The following CDK11B variants were observed in gnomAD, a reference collection of about 807,000 sequenced individuals.
The protein encoded by CDK11B is cyclin dependent kinase 11B, also known as cyclin-dependent kinase 11B.
In CDK11B, 37 loss-of-function variants were observed where a neutral mutation model predicts 84.0. That is an observed-to-expected ratio of 0.44 (90% CI 0.34 to 0.58). The LOEUF (loss-of-function observed/expected upper bound fraction) is 0.58, where lower values mean the gene tolerates loss of function less well. Ranked by LOEUF, CDK11B falls within the 20% of genes least tolerant of loss-of-function variation. The probability of loss-of-function intolerance (pLI) is 0.02; values close to 1 mark genes in which losing one functional copy is unlikely to be tolerated. For missense variants in CDK11B, 427 were observed against 834.0 expected (o/e 0.51, Z 6.01); for synonymous variants, 269 against 309.8 (o/e 0.87, Z 1.38).
intron 11 of CDK11B, among the ~76,000 whole-genome samples, chr1:1,639,345 AG>A (rs926397117): frequency 1.2e-4 from 18 of 151,674 alleles, no homozygotes; most frequent in African/African-American, 4.1e-4. Context: ...TGAGCCTGGG[AG>A]GGGGAGGCTC....
chr1:1,640,263 G>A lies in CDK11B; in HGVS notation c.1251+14C>T, dbSNP rs1640067495. 1.2e-6 allele frequency: 2 copies of A among 1,612,744 alleles called. No individual in the cohort carries two copies. Among genetic ancestry groups the A allele is most frequent in the South Asian group, 1.1e-5 (1 of 90,976 alleles). Reference sequence around the variant, plus strand: ...CAATGCGGACAGTGGCCCGGGGCGAGGGGAGGGCCTGACCTGCAGGGCCGG... The same window carrying A: ...CAATGCGGACAGTGGCCCGGGGCGAAGGGAGGGCCTGACCTGCAGGGCCGG... On this transcript the variant is annotated intron_variant, in intron 11 of 19. Transcript: ENST00000341832.
chr1:1,655,281 G>T, intron 3 of CDK11B, 88 bp downstream of exon 3: 2 of 1,477,216 alleles, frequency 1.4e-6, no homozygotes, highest in East Asian at 2.4e-5. Context: ...AGTTACAACA[G>T]CACACAGTTG....
Position 1,640,471 on chromosome 1 carries a change from A to G in CDK11B, c.1076-19T>C, listed in dbSNP as rs367781854. Reference sequence around the variant, plus strand: ...TCTGGAACTGGAAAAGTTGAACCTAATTACGAAGCTAGGAGTAAGCAAGGA... The same window carrying G: ...TCTGGAACTGGAAAAGTTGAACCTAGTTACGAAGCTAGGAGTAAGCAAGGA... On this transcript the variant is annotated intron_variant, in intron 10 of 19. Coordinates refer to ENST00000341832, the MANE Select transcript of CDK11B (RefSeq NM_033486.3). The G allele has an allele frequency of 1.2e-6, 2 of 1,613,628 alleles. No individual in the cohort carries two copies. Among genetic ancestry groups the G allele is most frequent in the African/African-American group, 1.3e-5 (1 of 74,936 alleles).
intron 4 of CDK11B, among the ~76,000 whole-genome samples, chr1:1,650,039 C>G (rs1421228367): frequency 1.3e-5 from 2 of 150,324 alleles, no homozygotes; most frequent in African/African-American, 4.9e-5. Flanking sequence ...TCTGGGAGGC[C>G]GAGGTGGGCG....
intron 13 of CDK11B, 75 bp from the exon 14 acceptor site, chr1:1,637,588 A>G: frequency 1.9e-6 from 3 of 1,608,896 alleles, no homozygotes; most frequent in Non-Finnish European, 2.5e-6. Flanking sequence ...GCAGCTGCTG[A>G]GGGACAGTAA....
rs367622519 is a variant in CDK11B at position 1,636,656 on chromosome 1, C to T, written c.1917+26G>A. On this transcript the variant is annotated intron_variant, in intron 17 of 19. Transcript: ENST00000341832. ...CTGCAACTCCTCCACAACCCCACAGCGCACCTGCAGCAGGGCCAGACCCAC... is the reference window on the plus strand; with the variant it reads ...CTGCAACTCCTCCACAACCCCACAGTGCACCTGCAGCAGGGCCAGACCCAC... 50 of 1,613,250 alleles carry T rather than the reference C, an allele frequency of 3.1e-5. No individual in the cohort carries two copies. In the African/African-American group the frequency reaches 3.3e-4, roughly 11 times the overall value.
rs751287754 is a variant in CDK11B at position 1,637,389 on chromosome 1, C to T, written c.1570+19G>A. ...TGCCCCCACTTGTACGCAGACAGGC[C>T]CCTGGGGCGCGGCTGTACCTGGCAG... On this transcript the variant is annotated intron_variant, in intron 14 of 19. Transcript: ENST00000341832. 7 of 1,610,516 alleles carry T rather than the reference C, an allele frequency of 4.3e-6. No individual in the cohort carries two copies. The highest frequency in any genetic ancestry group is 4.0e-5 in the African/African-American group (3 of 74,836).
At chr1:1,645,972 G>C (rs780497788) in intron 5 of CDK11B, 6 of 426,200 alleles carry the variant, frequency 1.4e-5, no homozygotes, top group Non-Finnish European at 4.7e-6. Context: ...CCGAGTAGCT[G>C]GGATTACAGG....
rs759902032 is a variant in CDK11B, at chr1:1,637,093, G to A, written c.1680C>T (p.Ala560=). ...LKTSNLLLSH[A]GILKVGDFGL... ...GAGGGGGGCTCACCTTGAGGATGCC[G>A]GCGTGGCTCAGCAGCAGGTTGGACG... Residue 560 remains alanine, a synonymous_variant, in exon 15 of 20, where the codon GCC becomes GCT. Coordinates refer to ENST00000341832, the MANE Select transcript of CDK11B (RefSeq NM_033486.3). 91 of 1,613,498 alleles carry A rather than the reference G, an allele frequency of 5.6e-5. 1 individual carries two copies. Among genetic ancestry groups the A allele is most frequent in the Admixed American group, 3.0e-4 (18 of 59,988 alleles).
intron 3 of CDK11B, chr1:1,654,011 A>G (rs2100992586): frequency 2.5e-6 from 1 of 398,996 alleles, no homozygotes; most frequent in South Asian, 1.9e-5. Context: ...TCTGTGTCAA[A>G]GCAACAACAA....
intron 11 of CDK11B, among the ~76,000 whole-genome samples, 164 bp from the exon 12 acceptor site, chr1:1,638,754 T>C (rs1474558791): frequency 2.0e-5 from 3 of 152,250 alleles, no homozygotes; most frequent in African/African-American, 4.8e-5. Context: ...TCAAAGTCTC[T>C]TTCCTTGCAA....
Position 1,637,521 on chromosome 1 carries a change from G to A in CDK11B, c.1465-8C>T, listed in dbSNP as rs764814264. On this transcript the variant is annotated splice_polypyrimidine_tract_variant and splice_region_variant and intron_variant, in intron 13 of 19. Coordinates refer to ENST00000341832, the MANE Select transcript of CDK11B (RefSeq NM_033486.3). ...GCTGCCCACCACAATCTCCTGCAGG[G>A]CACGGCTCTGTGGGTGCTGGGCACC... The A allele has an allele frequency of 1.2e-6, 2 of 1,612,762 alleles. No individual in the cohort carries two copies. The highest frequency in any genetic ancestry group is 8.5e-7 in the Non-Finnish European group (1 of 1,179,298).
intron 4 of CDK11B, among the ~76,000 whole-genome samples, chr1:1,650,061 C>CAGG (rs1193862623): frequency 1.7e-3 from 260 of 149,628 alleles, no homozygotes; most frequent in Middle Eastern, 6.9e-3. Context: ...ATCACAAGGT[C>CAGG]AGATCGGGAC....
At chr1:1,646,406 C>G (rs1641119833) in intron 5 of CDK11B, 1 of 518,872 alleles carries the variant, frequency 1.9e-6, no homozygotes, top group Non-Finnish European at 3.9e-6. Context: ...CCGTATGCCT[C>G]ATGATACTAG....
chr1:1,650,623 C>T (rs1303989814), intron 4 of CDK11B, among the ~76,000 whole-genome samples: 1 of 150,270 alleles, frequency 6.7e-6, no homozygotes, highest in Non-Finnish European at 1.5e-5. Context: ...CCTCGGCCTC[C>T]CAAAGTGTGG....
In CDK11B at chr1:1,638,640, G is replaced by A. The variant is rs551272343; in HGVS notation, c.1252-50C>T. 5.0e-5 allele frequency: 61 copies of A among 1,224,978 alleles called. No individual in the cohort carries two copies. The Admixed American group carries it at 6.4e-4, about 13-fold the overall frequency. 75.9% of individuals were successfully genotyped at this position (1,224,978 alleles called of 1,614,324 possible). A position where few individuals can be genotyped will look rare whatever the true frequency, so the allele number is the denominator to read the frequency against. ...GTCTCAGTGGCCATGCCAGCTGGAG[G>A]GAGGGCGGCTGCGTCCACAGGCACG... On this transcript the variant is annotated intron_variant, in intron 11 of 19. Transcript: ENST00000341832.
chr1:1,637,822 C>G lies in CDK11B; in HGVS notation c.1404G>C (p.Thr468=). The change falls in exon 13 of 20, where the codon ACG becomes ACC. Residue 468 remains threonine (T), a synonymous_variant. Coordinates refer to ENST00000341832, the MANE Select transcript of CDK11B (RefSeq NM_033486.3). ...MEKEKEGFPI[T]SLREINTILK... ...GGATGGTGTTGATCTCCCTCAGCGA[C>G]GTGATCGGGAAGCCCTCCTTCTCCT... is the stretch of plus-strand genomic sequence containing the variant. 1.2e-6 allele frequency: 2 copies of G among 1,613,726 alleles called. No homozygotes were observed. Among genetic ancestry groups the G allele is most frequent in the Non-Finnish European group, 1.7e-6 (2 of 1,179,690 alleles).
intron 6 of CDK11B, among the ~76,000 whole-genome samples, chr1:1,643,533 G>A (rs1640568214): frequency 6.7e-6 from 1 of 148,592 alleles, no homozygotes; most frequent in African/African-American, 2.6e-5. Context: ...GACGGTAGAT[G>A]TCCCAAAGAC....
intron 3 of CDK11B, among the ~76,000 whole-genome samples, chr1:1,654,906 C>T (rs1179813741): frequency 6.6e-6 from 1 of 151,944 alleles, no homozygotes; most frequent in Non-Finnish European, 1.5e-5. Flanking sequence ...GATCCGCCCA[C>T]CTCGGCCTCC....
Sources: gnomAD v4.1 joint callset for allele counts (sites outside exome capture counted in the v4.1 genomes callset) on GRCh38, gnomAD v4.1.1 for gene constraint, MANE v1.5 for transcripts, NCBI Gene and HGNC (gene_info 2026-07-23, HGNC 2026-07-21) for gene names.